ADAMTS3: variants seen among roughly 807,000 people sequenced by gnomAD.
The protein encoded by ADAMTS3 is A disintegrin and metalloproteinase with thrombospondin motifs 3.
Under a neutral mutation model 129.0 loss-of-function variants are expected in ADAMTS3, and 73 were observed. The observed-to-expected ratio is 0.57, with a 90% CI of 0.47 to 0.69. The LOEUF is 0.69. Ranked by LOEUF, ADAMTS3 falls within the 30% of genes least tolerant of loss-of-function variation. The pLI, the probability that ADAMTS3 is intolerant of heterozygous loss-of-function variation, is 0.00. For synonymous variants in ADAMTS3, 477 were observed against 510.8 expected (o/e 0.93, Z 0.89); for missense variants, 1,457 against 1,514.5 (o/e 0.96, Z 0.63).
At chr4:72,510,035 CT>C (rs1356333386) in intron 3 of ADAMTS3, among the ~76,000 whole-genome samples, 3 of 150,620 alleles carry the variant, frequency 2.0e-5, no homozygotes, top group African/African-American at 7.3e-5. Flanking sequence ...TCAATTGATG[CT>C]GGAAAAGCAT....
chr4:72,415,060 G>T, intron 3 of ADAMTS3, 89 bp from the exon 4 acceptor site: 2 of 1,031,294 alleles, frequency 1.9e-6, no homozygotes, highest in South Asian at 7.0e-5. Flanking sequence ...TCAAGAATAT[G>T]ACTTGTGAAA....
At chr4:72,476,421 G>A (rs1719234017) in intron 3 of ADAMTS3, among the ~76,000 whole-genome samples, 1 of 151,992 alleles carries the variant, frequency 6.6e-6, no homozygotes, top group South Asian at 2.1e-4. Flanking sequence ...CATCTAACAT[G>A]AAATAGATAA....
chr4:72,439,527 CT>C (rs1182832486), intron 3 of ADAMTS3, among the ~76,000 whole-genome samples: 1 of 151,426 alleles, frequency 6.6e-6, no homozygotes, highest in Non-Finnish European at 1.5e-5. Context: ...TATAGAACAA[CT>C]AACAGTGACT....
chr4:72,451,514 G>A (rs1041714288), intron 3 of ADAMTS3, among the ~76,000 whole-genome samples: 26 of 151,774 alleles, frequency 1.7e-4, no homozygotes, highest in African/African-American at 6.0e-4. Flanking sequence ...CTGGCCCAGC[G>A]CCAACATATT....
intron 3 of ADAMTS3, among the ~76,000 whole-genome samples, chr4:72,522,847 G>GA (rs891205141): frequency 6.6e-6 from 1 of 151,986 alleles, no homozygotes; most frequent in African/African-American, 2.4e-5. Context: ...GACAGTGTTT[G>GA]AAAAAAGGAA....
At chr4:72,498,304 C>G (rs1206264803) in intron 3 of ADAMTS3, among the ~76,000 whole-genome samples, 1 of 151,852 alleles carries the variant, frequency 6.6e-6, no homozygotes, top group African/African-American at 2.4e-5. Context: ...GATTTCCCAG[C>G]ATCCCTGCCA....
intron 3 of ADAMTS3, among the ~76,000 whole-genome samples, chr4:72,525,679 G>A (rs1720787528): frequency 6.6e-6 from 1 of 152,106 alleles, no homozygotes; most frequent in South Asian, 2.1e-4. Flanking sequence ...TTTGCTCAAA[G>A]CCTTTCACAC....
intron 3 of ADAMTS3, among the ~76,000 whole-genome samples, chr4:72,474,064 C>T (rs1719155900): frequency 6.6e-6 from 1 of 152,196 alleles, no homozygotes; most frequent in African/African-American, 2.4e-5. Context: ...TCCTTCCCCA[C>T]ATATCTGCTA....
At chr4:72,399,840 TACACACAC>T (rs1721843746) in intron 4 of ADAMTS3, among the ~76,000 whole-genome samples, 6 of 115,520 alleles carry the variant, frequency 5.2e-5, no homozygotes, top group Non-Finnish European at 9.1e-5. Flanking sequence ...TGTATATATA[TACACACAC>T]GGTGTGTATA....
At chr4:72,298,494 G>T in intron 17 of ADAMTS3, 52 bp from the exon 18 acceptor site, 2 of 1,382,014 alleles carry the variant, frequency 1.4e-6, no homozygotes, top group South Asian at 1.6e-5. Context: ...TTTAAATTTT[G>T]AGTGTAAAAT....
intron 15 of ADAMTS3, 121 bp downstream of exon 15, chr4:72,309,276 T>C: frequency 1.0e-6 from 1 of 984,300 alleles, no homozygotes; most frequent in Non-Finnish European, 1.5e-6. Context: ...TGAATAACAA[T>C]AAATCAGCAG....
intron 5 of ADAMTS3, among the ~76,000 whole-genome samples, chr4:72,329,282 C>T (rs528246020): frequency 6.6e-6 from 1 of 151,882 alleles, no homozygotes; most frequent in Non-Finnish European, 1.5e-5. Flanking sequence ...TAGAGGAGGA[C>T]AAGAGGAGTT....
Position 72,336,320 on chromosome 4 carries a change from G to C in ADAMTS3, c.861+3174C>G, listed in dbSNP as rs142332754. ...TCATCTAAGTCTCTGTGTCTATGTA[G>C]GCCTCAAGCCTGGTGAGCCATAATT... On this transcript the variant is annotated intron_variant, in intron 5 of 21. Coordinates refer to ENST00000286657, the MANE Select transcript of ADAMTS3 (RefSeq NM_014243.3). Among the ~76,000 whole-genome samples the C allele has an allele frequency of 4.7e-4, 71 of 152,268 alleles. No individual in the cohort carries two copies. In the East Asian group the frequency reaches 0.013, roughly 28 times the overall value.
chr4:72,296,342 G>A (rs555884962), intron 18 of ADAMTS3, among the ~76,000 whole-genome samples: 24 of 152,128 alleles, frequency 1.6e-4, no homozygotes, highest in Admixed American at 1.0e-3. Context: ...AAGAGTGCAC[G>A]AGTTAGGGAA....
At chr4:72,399,793 T>C (rs948435938) in intron 4 of ADAMTS3, among the ~76,000 whole-genome samples, 1 of 150,372 alleles carries the variant, frequency 6.7e-6, no homozygotes, top group African/African-American at 2.5e-5. Context: ...TACGCATATG[T>C]GTGTATATAT....
At chr4:72,366,823 C>A (rs954803587) in intron 4 of ADAMTS3, among the ~76,000 whole-genome samples, 1 of 150,916 alleles carries the variant, frequency 6.6e-6, no homozygotes, top group South Asian at 2.1e-4. Flanking sequence ...AACATCATAA[C>A]TGAAAGCCTT....
rs1444799440 is a variant in ADAMTS3, at chr4:72,356,960, C to T, written c.662-17267G>A. 4.0e-5 allele frequency among the ~76,000 whole-genome samples: 6 copies of T among 151,862 alleles called. No homozygotes were observed. The East Asian group carries it at 9.7e-4, about 24-fold the overall frequency. ...TGCCAAATGATAAGAACAAGACAGA[C>T]ATCCCAATTTTTTAAAATGTTCTTA... is the stretch of plus-strand genomic sequence containing the variant. On this transcript the variant is annotated intron_variant, in intron 4 of 21. Transcript: ENST00000286657.
intron 4 of ADAMTS3, among the ~76,000 whole-genome samples, chr4:72,397,757 G>A (rs945609172): frequency 1.3e-5 from 2 of 152,112 alleles, no homozygotes; most frequent in Non-Finnish European, 2.9e-5. Flanking sequence ...ATGAGGCAGT[G>A]ATATCTAAAG....
intron 3 of ADAMTS3, among the ~76,000 whole-genome samples, chr4:72,509,173 G>A (rs1341921520): frequency 6.7e-6 from 1 of 149,394 alleles, no homozygotes; most frequent in Non-Finnish European, 1.5e-5. Context: ...TCAAAAAAGA[G>A]AAAAAATTTT....
Sources: gnomAD v4.1 joint callset for allele counts (sites outside exome capture counted in the v4.1 genomes callset) on GRCh38, gnomAD v4.1.1 for gene constraint, MANE v1.5 for transcripts, NCBI Gene and HGNC (gene_info 2026-07-23, HGNC 2026-07-21) for gene names.